CACNA2D1: variants seen among roughly 807,000 people sequenced by gnomAD.
CACNA2D1 encodes voltage-dependent calcium channel subunit alpha-2/delta-1.
CACNA2D1 carries 53 observed loss-of-function variants against 171.5 expected under a neutral mutation model. The ratio of observed to expected loss-of-function variants is 0.31; its 90% CI spans 0.25 to 0.39. The LOEUF (loss-of-function observed/expected upper bound fraction) is 0.39, where lower values mean the gene tolerates loss of function less well. Ranked by LOEUF, CACNA2D1 falls within the 10% of genes least tolerant of loss-of-function variation. The pLI, the probability that CACNA2D1 is intolerant of heterozygous loss-of-function variation, is 1.00. For synonymous variants in CACNA2D1, 442 were observed against 443.1 expected, an observed-to-expected ratio of 1.00 and a Z score of 0.03; for missense variants, 903 against 1,299.8, an observed-to-expected ratio of 0.69 and a Z score of 4.69.
chr7:82,082,318 A>G lies in CACNA2D1; in HGVS notation c.658+2451T>C, dbSNP rs10238486. Among the ~76,000 whole-genome samples, 700 of 151,914 alleles carry G rather than the reference A, an allele frequency of 4.6e-3. 9 individuals carry two copies. The highest frequency in any genetic ancestry group is 0.016 in the African/African-American group (682 of 41,460). On this transcript the variant is annotated intron_variant, in intron 7 of 38. Coordinates refer to ENST00000356860, the MANE Select transcript of CACNA2D1 (RefSeq NM_000722.4). Reference sequence around the variant, plus strand: ...ACGCAGACAACTGAAGGGTGGGGAGAGCAGAGAAGAATCTTATTGAGCAAT... The same window carrying G: ...ACGCAGACAACTGAAGGGTGGGGAGGGCAGAGAAGAATCTTATTGAGCAAT...
At chr7:82,112,308 C>G (rs1048273727) in intron 6 of CACNA2D1, among the ~76,000 whole-genome samples, 1 of 152,106 alleles carries the variant, frequency 6.6e-6, no homozygotes, top group Admixed American at 6.5e-5. Context: ...CTCATTATTT[C>G]AAAGCTAATT....
intron 10 of CACNA2D1, among the ~76,000 whole-genome samples, chr7:82,056,025 A>AAAT (rs1554378073): frequency 0.044 from 6,295 of 144,508 alleles, 131 homozygotes; most frequent in Non-Finnish European, 0.07. Flanking sequence ...AAAAAAAAAA[A>AAAT]AAAAAAGGCC....
In CACNA2D1 at chr7:82,372,109, A is replaced by G. The variant is rs530269371; in HGVS notation, c.96-22460T>C. Among the ~76,000 whole-genome samples, 9 of 152,264 alleles carry G rather than the reference A, an allele frequency of 5.9e-5. No individual in the cohort carries two copies. The South Asian group carries it at 1.9e-3, about 32-fold the overall frequency. On this transcript the variant is annotated intron_variant, in intron 1 of 38. Transcript: ENST00000356860. Reference sequence around the variant, plus strand: ...AGTATTTTTTCTATATTTAATAAACATTCTGTTATTAGAAAAAGAAAATGA... The same window carrying G: ...AGTATTTTTTCTATATTTAATAAACGTTCTGTTATTAGAAAAAGAAAATGA...
chr7:82,433,536 C>G (rs1829886188), intron 1 of CACNA2D1, among the ~76,000 whole-genome samples: 1 of 152,178 alleles, frequency 6.6e-6, no homozygotes, highest in Non-Finnish European at 1.5e-5. Context: ...CTTTAATTCT[C>G]AAGGCTGTTT....
At position 82,120,206 on chromosome 7, in the gene CACNA2D1, T is replaced by C. The variant is rs567433348; in HGVS notation, c.397-3033A>G. Among the ~76,000 whole-genome samples the C allele has an allele frequency of 3.9e-5, 6 of 152,222 alleles. No homozygotes were observed. The South Asian group carries it at 6.2e-4, about 16-fold the overall frequency. On this transcript the variant is annotated intron_variant, in intron 5 of 38. Transcript: ENST00000356860. ...GCACGCACGTGTGTCTGTGTGTGTG[T>C]GTGCATGTGTGTAGGATCCTGTGTG...
intron 7 of CACNA2D1, among the ~76,000 whole-genome samples, chr7:82,073,549 TAAAG>T (rs1218768474): frequency 7.2e-5 from 11 of 152,158 alleles, no homozygotes; most frequent in African/African-American, 1.2e-4. Context: ...GAGAACAAAA[TAAAG>T]AAAGATTGCT....
intron 3 of CACNA2D1, among the ~76,000 whole-genome samples, chr7:82,228,112 T>G (rs992722837): frequency 6.6e-6 from 1 of 152,134 alleles, no homozygotes; most frequent in African/African-American, 2.4e-5. Flanking sequence ...CAGTTGATAT[T>G]GAGTTAATAA....
chr7:82,087,916 T>G (rs1446051254), intron 6 of CACNA2D1, among the ~76,000 whole-genome samples: 1 of 152,144 alleles, frequency 6.6e-6, no homozygotes, highest in East Asian at 1.9e-4. Flanking sequence ...CAAGTTTATG[T>G]CATTTCCTGG....
intron 2 of CACNA2D1, among the ~76,000 whole-genome samples, chr7:82,344,793 C>T (rs772437818): frequency 3.3e-5 from 5 of 152,080 alleles, no homozygotes; most frequent in Admixed American, 6.6e-5. Flanking sequence ...TTAGTTACAG[C>T]ACTTAATTGT....
At chr7:82,234,733 A>C (rs1803345064) in intron 3 of CACNA2D1, among the ~76,000 whole-genome samples, 2 of 152,218 alleles carry the variant, frequency 1.3e-5, no homozygotes, top group African/African-American at 4.8e-5. Context: ...AATTAAGTAA[A>C]CATAAGAAAA....
chr7:82,053,890 A>G (rs1325693341), intron 10 of CACNA2D1, among the ~76,000 whole-genome samples: 1 of 152,186 alleles, frequency 6.6e-6, no homozygotes, highest in Admixed American at 6.5e-5. Flanking sequence ...TAGCTCACAC[A>G]TTCAAACCAC....
At chr7:82,330,095 A>C (rs59451186) in intron 3 of CACNA2D1, among the ~76,000 whole-genome samples, 3,281 of 152,092 alleles carry the variant, frequency 0.022, 149 homozygotes, top group African/African-American at 0.074. Flanking sequence ...CAAAATTGCT[A>C]TCAAAGAGAT....
chr7:82,396,186 C>A (rs12666034), intron 1 of CACNA2D1, among the ~76,000 whole-genome samples: 31,809 of 151,988 alleles, frequency 0.21, 4,245 homozygotes, highest in East Asian at 0.57. Context: ...TTTATTCTCT[C>A]AGCTTTCTCT....
At chr7:82,216,315 T>G (rs79957463) in intron 3 of CACNA2D1, among the ~76,000 whole-genome samples, 7,569 of 152,250 alleles carry the variant, frequency 0.05, 457 homozygotes, top group Admixed American at 0.14. Context: ...ATTAGCAAAC[T>G]ATTTTCTTGT....
chr7:82,319,720 T>A (rs1815578178), intron 3 of CACNA2D1, among the ~76,000 whole-genome samples: 1 of 152,174 alleles, frequency 6.6e-6, no homozygotes, highest in African/African-American at 2.4e-5. Context: ...CTAGAATTTC[T>A]CAGAAAAGAC....
chr7:82,115,246 C>T (rs1788907701), intron 6 of CACNA2D1, among the ~76,000 whole-genome samples: 1 of 152,044 alleles, frequency 6.6e-6, no homozygotes, highest in Non-Finnish European at 1.5e-5. Context: ...CAACAAACAA[C>T]AGGTGATAGA....
chr7:82,138,449 G>GTTTTTTTTTT (rs5885271), intron 4 of CACNA2D1, among the ~76,000 whole-genome samples: 4 of 101,582 alleles, frequency 3.9e-5, no homozygotes, highest in Non-Finnish European at 4.1e-5. Flanking sequence ...TGTTTTTTTT[G>GTTTTTTTTTT]TTTTTTTTTT....
intron 3 of CACNA2D1, among the ~76,000 whole-genome samples, chr7:82,213,549 A>G (rs1406453810): frequency 6.6e-6 from 1 of 152,212 alleles, no homozygotes; most frequent in African/African-American, 2.4e-5. Context: ...GCCAAAAACT[A>G]AAACAAAACC....
At chr7:82,070,612 G>A (rs1808211262) in intron 7 of CACNA2D1, among the ~76,000 whole-genome samples, 1 of 152,144 alleles carries the variant, frequency 6.6e-6, no homozygotes. Context: ...GGAGAAAGCA[G>A]TCTCAAGTCC....
Sources: gnomAD v4.1 joint callset for allele counts (sites outside exome capture counted in the v4.1 genomes callset) on GRCh38, gnomAD v4.1.1 for gene constraint, MANE v1.5 for transcripts, NCBI Gene and HGNC (gene_info 2026-07-23, HGNC 2026-07-21) for gene names.